CSMD1: variants seen among roughly 807,000 people sequenced by gnomAD.
CSMD1 encodes CUB and sushi domain-containing protein 1.
CSMD1 carries 213 observed loss-of-function variants against 417.5 expected under a neutral mutation model. The observed-to-expected ratio is 0.51, with a 90% confidence interval of 0.46 to 0.57. CSMD1 has a LOEUF of 0.57. Ranked by LOEUF, CSMD1 falls within the 20% of genes least tolerant of loss-of-function variation. The probability of loss-of-function intolerance (pLI) is 0.00; values close to 1 mark genes in which losing one functional copy is unlikely to be tolerated. For missense variants in CSMD1, 6,923 were observed against 4,529.7 expected (o/e 1.53, Z -15.17); for synonymous variants, 2,862 against 1,736.8 (o/e 1.65, Z -16.11).
At chr8:3,059,063 T>A (rs11778632) in intron 49 of CSMD1, among the ~76,000 whole-genome samples, 70,979 of 151,482 alleles carry the variant, frequency 0.47, 17,392 homozygotes, top group Non-Finnish European at 0.54. Flanking sequence ...AAAGTGAGAA[T>A]CCTGTTCCCC....
chr8:4,552,688 C>T lies in CSMD1; in HGVS notation c.302+84654G>A, dbSNP rs73661525. On this transcript the variant is annotated intron_variant, in intron 2 of 69. Coordinates refer to ENST00000635120, the MANE Select transcript of CSMD1 (RefSeq NM_033225.6). ...AGCAATCGATCTTAATGAGATGGGT[C>T]TATTACCCCATCACAAGATGCTCAG... 5.4e-3 allele frequency among the ~76,000 whole-genome samples: 824 copies of T among 152,194 alleles called. 4 individuals are homozygous for T. The highest frequency in any genetic ancestry group is 0.019 in the African/African-American group (784 of 41,530).
At chr8:4,383,391 C>T (rs1228026901) in intron 3 of CSMD1, among the ~76,000 whole-genome samples, 4 of 152,166 alleles carry the variant, frequency 2.6e-5, no homozygotes, top group African/African-American at 9.7e-5. Context: ...TTGGGGGCTA[C>T]ATTTACTACA....
At chr8:3,667,042 G>C (rs901285131) in intron 7 of CSMD1, among the ~76,000 whole-genome samples, 1 of 152,282 alleles carries the variant, frequency 6.6e-6, no homozygotes, top group South Asian at 2.1e-4. Context: ...AGTATGCTCA[G>C]ATCCTTTCAT....
In CSMD1 at chr8:3,182,243, C is replaced by T. The variant is rs906013547; in HGVS notation, c.5621-1029G>A. ...GCTCACCACTTAAACTATCCAATATCCCCCAACAGATTTTATTTTTTTAGA... is the reference window on the plus strand; with the variant it reads ...GCTCACCACTTAAACTATCCAATATTCCCCAACAGATTTTATTTTTTTAGA... On this transcript the variant is annotated intron_variant, in intron 36 of 69. Coordinates refer to ENST00000635120, the MANE Select transcript of CSMD1 (RefSeq NM_033225.6). 1.8e-4 allele frequency among the ~76,000 whole-genome samples: 27 copies of T among 152,104 alleles called. 1 individual carries two copies. Among genetic ancestry groups the T allele is most frequent in the Admixed American group, 6.6e-5 (1 of 15,266 alleles).
At position 3,338,206 on chromosome 8, in the gene CSMD1, G is replaced by A. The variant is rs909339972; in HGVS notation, c.3631+5088C>T. ...TCTGAATCCAGTTGTTGAACCACAC[G>A]TGTATGCCTGTCTCATCTCCATGTC... On this transcript the variant is annotated intron_variant, in intron 23 of 69. Transcript: ENST00000635120. 6.6e-5 allele frequency among the ~76,000 whole-genome samples: 10 copies of A among 152,104 alleles called. 1 individual carries two copies. Among genetic ancestry groups the A allele is most frequent in the Admixed American group, 6.5e-4 (10 of 15,276 alleles).
intron 3 of CSMD1, among the ~76,000 whole-genome samples, chr8:4,276,554 C>A (rs911227294): frequency 5.3e-5 from 8 of 152,212 alleles, no homozygotes; most frequent in Middle Eastern, 3.4e-3. Flanking sequence ...AACAAACCTG[C>A]ACGTTCTGCA....
intron 25 of CSMD1, among the ~76,000 whole-genome samples, chr8:3,300,934 G>C (rs1268380288): frequency 8.0e-6 from 1 of 125,270 alleles, no homozygotes; most frequent in African/African-American, 3.0e-5. Flanking sequence ...ACTCCAGCCT[G>C]GACAACAGAG....
intron 7 of CSMD1, among the ~76,000 whole-genome samples, chr8:3,622,150 G>A (rs1018072791): frequency 2.0e-5 from 3 of 152,134 alleles, no homozygotes; most frequent in Non-Finnish European, 2.9e-5. Context: ...CTAGCTCTCT[G>A]AAATTTATCT....
chr8:3,865,082 T>C (rs1251256430), intron 5 of CSMD1, among the ~76,000 whole-genome samples: 2 of 152,158 alleles, frequency 1.3e-5, no homozygotes, highest in Admixed American at 6.5e-5. Flanking sequence ...CAGTGTTACT[T>C]TGGTAACAAT....
intron 3 of CSMD1, among the ~76,000 whole-genome samples, chr8:4,064,437 C>A (rs1432446540): frequency 6.6e-6 from 1 of 152,172 alleles, no homozygotes; most frequent in Non-Finnish European, 1.5e-5. Flanking sequence ...GCGGGCTTTG[C>A]CCAAGTTTTA....
At chr8:3,493,836 A>G (rs1563091250) in intron 10 of CSMD1, 110 bp from the exon 11 acceptor site, 4 of 740,562 alleles carry the variant, frequency 5.4e-6, no homozygotes, top group Non-Finnish European at 9.0e-6. Flanking sequence ...CTTAATGCCA[A>G]TGTCAAATGA....
chr8:3,316,841 A>C (rs780313075), intron 23 of CSMD1, among the ~76,000 whole-genome samples: 5 of 152,144 alleles, frequency 3.3e-5, no homozygotes, highest in Non-Finnish European at 7.3e-5. Context: ...TGACACAAGT[A>C]TATTCGTATT....
intron 1 of CSMD1, among the ~76,000 whole-genome samples, chr8:4,915,163 A>G (rs977153832): frequency 1.3e-5 from 2 of 152,176 alleles, no homozygotes; most frequent in Non-Finnish European, 2.9e-5. Context: ...GCTTATGATT[A>G]TATATATAAG....
intron 37 of CSMD1, among the ~76,000 whole-genome samples, chr8:3,170,021 C>T (rs989005843): frequency 2.6e-5 from 4 of 152,312 alleles, no homozygotes; most frequent in East Asian, 3.9e-4. Flanking sequence ...TGACCCCAGC[C>T]AATGGGGAAA....
At chr8:4,815,812 G>A (rs1178736841) in intron 1 of CSMD1, among the ~76,000 whole-genome samples, 1 of 151,070 alleles carries the variant, frequency 6.6e-6, no homozygotes. Flanking sequence ...AATTATTCAA[G>A]TAATGAATGC....
chr8:3,451,264 A>T (rs4875707), intron 12 of CSMD1, among the ~76,000 whole-genome samples: 118,877 of 152,126 alleles, frequency 0.78, 46,825 homozygotes, highest in African/African-American at 0.88. Context: ...ACTCTGTAGG[A>T]TGCCTGTTCA....
intron 5 of CSMD1, among the ~76,000 whole-genome samples, chr8:3,858,956 A>G (rs1160023131): frequency 6.6e-6 from 1 of 152,184 alleles, no homozygotes; most frequent in Admixed American, 6.5e-5. Flanking sequence ...GTGGAAGCAG[A>G]ATTAAAGTAT....
intron 5 of CSMD1, among the ~76,000 whole-genome samples, chr8:3,982,131 C>T (rs556338170): frequency 6.7e-6 from 1 of 149,546 alleles, no homozygotes; most frequent in African/African-American, 2.5e-5. Flanking sequence ...GCACTCCAGC[C>T]TGGGTGACAC....
intron 3 of CSMD1, among the ~76,000 whole-genome samples, chr8:4,091,253 A>C (rs1800706181): frequency 1.3e-5 from 2 of 152,124 alleles, no homozygotes; most frequent in Admixed American, 1.3e-4. Flanking sequence ...TGAGGATGCA[A>C]ATTAGAAAAA....
Sources: allele counts gnomAD v4.1 joint callset (sites outside exome capture counted in the v4.1 genomes callset), GRCh38; gene constraint gnomAD v4.1.1; transcripts MANE v1.5; gene names NCBI Gene and HGNC (gene_info 2026-07-23, HGNC 2026-07-21).